Variants in BIN2 observed in about 807,000 individuals in gnomAD.
BIN2 encodes bridging integrator 2.
BIN2 carries 43 observed loss-of-function variants against 67.9 expected under a neutral mutation model. That is an observed-to-expected ratio of 0.63 (90% confidence interval 0.50 to 0.82). The LOEUF (loss-of-function observed/expected upper bound fraction) is 0.82, where lower values mean the gene tolerates loss of function less well. Ranked by LOEUF, BIN2 falls within the 40% of genes least tolerant of loss-of-function variation. The pLI, the probability that BIN2 is intolerant of heterozygous loss-of-function variation, is 0.00. For synonymous variants in BIN2, 244 were observed against 246.8 expected (o/e 0.99, Z 0.11); for missense variants, 581 against 671.6 (o/e 0.87, Z 1.49).
intron 1 of BIN2, 147 bp downstream of exon 1, chr12:51,323,875 G>A: frequency 4.0e-6 from 4 of 1,004,160 alleles, no homozygotes; most frequent in Non-Finnish European, 5.7e-6. Context: ...CCTCGCTCCC[G>A]TTTCCCTGGG....
intron 10 of BIN2, among the ~76,000 whole-genome samples, chr12:51,289,027 C>T (rs1477083081): frequency 6.6e-6 from 1 of 151,974 alleles, no homozygotes; most frequent in Non-Finnish European, 1.5e-5. Flanking sequence ...GGATTACAGG[C>T]GTGAGCCACT....
intron 5 of BIN2, among the ~76,000 whole-genome samples, chr12:51,301,293 A>T (rs1267740701): frequency 2.0e-5 from 3 of 152,118 alleles, no homozygotes; most frequent in African/African-American, 4.8e-5. Context: ...TGCTTTCTGG[A>T]ACAGAAAGCA....
chr12:51,315,207 T>C (rs565599202), intron 1 of BIN2, among the ~76,000 whole-genome samples: 8 of 152,026 alleles, frequency 5.3e-5, no homozygotes, highest in Admixed American at 3.3e-4. Context: ...TCTCGCTCTG[T>C]CGCCCAGGCT....
At chr12:51,291,564 T>C in intron 10 of BIN2, 27 bp downstream of exon 10, 2 of 1,544,248 alleles carry the variant, frequency 1.3e-6, no homozygotes, top group East Asian at 2.3e-5. Flanking sequence ...TTAATTAAAT[T>C]AAATACCCAA....
At chr12:51,314,236 C>T (rs1269121948) in intron 1 of BIN2, among the ~76,000 whole-genome samples, 2 of 151,504 alleles carry the variant, frequency 1.3e-5, no homozygotes, top group Non-Finnish European at 2.9e-5. Context: ...TTAGTAGAGA[C>T]GGGGTTTCAC....
intron 4 of BIN2, chr12:51,302,366 C>A: frequency 1.9e-6 from 1 of 530,336 alleles, no homozygotes; most frequent in Non-Finnish European, 3.4e-6. Flanking sequence ...GACTCCAGAG[C>A]TTAGATGGGA....
In BIN2 at chr12:51,284,611, GGT is replaced by G. The variant is rs1945191893; in HGVS notation, c.1668+103_1668+104del. The G allele has an allele frequency of 1.7e-5, 15 of 873,782 alleles. No homozygotes were observed. In the Admixed American group the frequency reaches 2.5e-4, roughly 15 times the overall value. The allele number at this position is 873,782 out of a possible 1,614,324, so 54.1% of individuals were successfully genotyped here. On this transcript the variant is annotated intron_variant, in intron 12 of 12. Transcript: ENST00000615107. The stretch of plus-strand genomic sequence containing the variant: ...ACCTGCTTGACTGCCCTAAGGGTAT[GGT>G]TCACTGCCGGATTCCCCTTGTAGCC...
intron 2 of BIN2, among the ~76,000 whole-genome samples, chr12:51,306,250 G>A (rs1945863520): frequency 6.6e-6 from 1 of 152,174 alleles, no homozygotes; most frequent in African/African-American, 2.4e-5. Context: ...TTAAAGGAGT[G>A]AAAGGCACTG....
chr12:51,295,577 A>AAT (rs1163870830), intron 9 of BIN2, among the ~76,000 whole-genome samples: 70 of 29,504 alleles, frequency 2.4e-3, no homozygotes, highest in Admixed American at 3.5e-3. Flanking sequence ...AAAAAAAAAA[A>AAT]ATATATATAT....
intron 1 of BIN2, among the ~76,000 whole-genome samples, chr12:51,320,821 G>A (rs1429392719): frequency 1.3e-5 from 2 of 151,790 alleles, no homozygotes; most frequent in Non-Finnish European, 2.9e-5. Context: ...ACCAACAAAG[G>A]AGTGGTAAAC....
Position 51,288,092 on chromosome 12 carries a change from C to G in BIN2, c.1596+16G>C. 1 of 1,582,300 alleles carries G rather than the reference C, an allele frequency of 6.3e-7. No individual in the cohort carries two copies. The highest frequency in any genetic ancestry group is 8.7e-7 in the Non-Finnish European group (1 of 1,151,486). Reference sequence around the variant, plus strand: ...AAATAGGGCATCATCATGTAGATGACTTAGGCTTTTAGTACCTCCGAGGAG... The same window carrying G: ...AAATAGGGCATCATCATGTAGATGAGTTAGGCTTTTAGTACCTCCGAGGAG... On this transcript the variant is annotated intron_variant, in intron 11 of 12. Coordinates refer to ENST00000615107, the MANE Select transcript of BIN2 (RefSeq NM_016293.4).
At chr12:51,310,933 A>G (rs2137423440) in intron 2 of BIN2, among the ~76,000 whole-genome samples, 1 of 150,986 alleles carries the variant, frequency 6.6e-6, no homozygotes, top group South Asian at 2.1e-4. Context: ...TAATTTTTGT[A>G]TTTTTTGTAG....
intron 1 of BIN2, chr12:51,322,718 G>A (rs1294288602): frequency 6.6e-6 from 1 of 151,782 alleles, no homozygotes; most frequent in African/African-American, 2.4e-5. Context: ...TACCAGATTT[G>A]TAAGTCTTCA....
At chr12:51,310,976 C>T (rs757985684) in intron 2 of BIN2, among the ~76,000 whole-genome samples, 6 of 151,936 alleles carry the variant, frequency 3.9e-5, no homozygotes, top group African/African-American at 9.7e-5. Flanking sequence ...CCAGGCTGGT[C>T]GCAAACTTCT....
At chr12:51,293,599 A>G (rs4468392) in intron 9 of BIN2, among the ~76,000 whole-genome samples, 11,746 of 152,234 alleles carry the variant, frequency 0.077, 1,073 homozygotes, top group East Asian at 0.35. Flanking sequence ...GGCGTGAGCC[A>G]TCGTGCCTGG....
intron 12 of BIN2, among the ~76,000 whole-genome samples, chr12:51,284,116 G>C (rs1945182974): frequency 6.6e-6 from 1 of 152,012 alleles, no homozygotes; most frequent in African/African-American, 2.4e-5. Context: ...CTCACTCACT[G>C]ACTCACCCAG....
At chr12:51,300,798 A>T (rs772842636) in intron 5 of BIN2, among the ~76,000 whole-genome samples, 1 of 152,240 alleles carries the variant, frequency 6.6e-6, no homozygotes, top group Non-Finnish European at 1.5e-5. Flanking sequence ...TGCACAAAGA[A>T]CAGACAACTC....
intron 10 of BIN2, 59 bp downstream of exon 10, chr12:51,291,532 G>C: frequency 6.7e-7 from 1 of 1,486,198 alleles, no homozygotes; most frequent in Non-Finnish European, 9.0e-7. Flanking sequence ...GCCTGAGTGA[G>C]ACCCTAGCTT....
chr12:51,307,388 A>C (rs950504999), intron 2 of BIN2, among the ~76,000 whole-genome samples: 7 of 152,122 alleles, frequency 4.6e-5, no homozygotes, highest in African/African-American at 1.7e-4. Context: ...AAAAATAAAT[A>C]CAATAAAGTA....
Sources: gnomAD v4.1 joint callset for allele counts (sites outside exome capture counted in the v4.1 genomes callset) on GRCh38, gnomAD v4.1.1 for gene constraint, MANE v1.5 for transcripts, NCBI Gene and HGNC (gene_info 2026-07-23, HGNC 2026-07-21) for gene names.